DRC11: variants seen among roughly 807,000 people sequenced by gnomAD.
DRC11 encodes the protein dynein regulatory complex subunit 11.
At chr2:236,378,995 G>A in the DRC11 span, among the ~76,000 whole-genome samples, 1 of 152,184 alleles carries the variant, frequency 6.6e-6, no homozygotes, top group Non-Finnish European at 1.5e-5. Flanking sequence ...TCTCTAGAGA[G>A]CAGAAACCCA....
At chr2:236,403,004 G>C in the DRC11 span, among the ~76,000 whole-genome samples, 2 of 151,516 alleles carry the variant, frequency 1.3e-5, no homozygotes, top group Non-Finnish European at 2.9e-5. Flanking sequence ...TTACTTTTTC[G>C]TCAATGTTAT....
the DRC11 span, among the ~76,000 whole-genome samples, chr2:236,439,307 T>C: frequency 2.0e-5 from 3 of 152,294 alleles, no homozygotes; most frequent in African/African-American, 4.8e-5. Flanking sequence ...ATCAACAAAA[T>C]TGATAGACCT....
At chr2:236,408,052 G>A in the DRC11 span, 2 of 584,340 alleles carry the variant, frequency 3.4e-6, no homozygotes, top group East Asian at 8.1e-5. This position sits in a 1 kb window ranked among gnomAD's most constrained non-coding sequence, Gnocchi z 5.5. Context: ...TCACTTCTTG[G>A]TTCCCACCAC....
the DRC11 span, among the ~76,000 whole-genome samples, chr2:236,449,940 C>A: frequency 2.0e-5 from 3 of 152,208 alleles, no homozygotes; most frequent in African/African-American, 7.2e-5. The surrounding 1 kb of genome is among the most constrained non-coding windows in gnomAD (Gnocchi z 5.1). Flanking sequence ...GGAGGAGAAA[C>A]CCCTATGTGT....
chr2:236,405,836 T>G, the DRC11 span, among the ~76,000 whole-genome samples: 1 of 152,172 alleles, frequency 6.6e-6, no homozygotes, highest in South Asian at 2.1e-4. This position sits in a 1 kb window ranked among gnomAD's most constrained non-coding sequence, Gnocchi z 4.6. Flanking sequence ...GACAAAGGGA[T>G]GATTCACGTC....
the DRC11 span, among the ~76,000 whole-genome samples, chr2:236,457,502 G>T: frequency 1.3e-5 from 2 of 152,222 alleles, no homozygotes; most frequent in African/African-American, 4.8e-5. The surrounding 1 kb of genome is among the most constrained non-coding windows in gnomAD (Gnocchi z 4.7). Context: ...GTTGAGAGTT[G>T]TAGTAGACAC....
At chr2:236,507,108 C>T in the DRC11 span, 1 of 739,696 alleles carries the variant, frequency 1.4e-6, no homozygotes. Context: ...ATTTGAATTT[C>T]CTAAAAGGAA....
chr2:236,496,964 T>C, the DRC11 span, among the ~76,000 whole-genome samples: 2 of 152,138 alleles, frequency 1.3e-5, no homozygotes, highest in African/African-American at 2.4e-5. This position sits in a 1 kb window ranked among gnomAD's most constrained non-coding sequence, Gnocchi z 6.3. Flanking sequence ...AGTGTGCAGA[T>C]GCATCTGCAC....
the DRC11 span, among the ~76,000 whole-genome samples, chr2:236,500,462 TCCC>T: frequency 6.6e-6 from 1 of 151,910 alleles, no homozygotes; most frequent in African/African-American, 2.4e-5. This position sits in a 1 kb window ranked among gnomAD's most constrained non-coding sequence, Gnocchi z 6.3. Context: ...CCAACACTCT[TCCC>T]CCCAACACCC....
chr2:236,460,105 C>T, the DRC11 span, among the ~76,000 whole-genome samples: 37 of 152,214 alleles, frequency 2.4e-4, no homozygotes, highest in African/African-American at 8.4e-4. The surrounding 1 kb of genome is among the most constrained non-coding windows in gnomAD (Gnocchi z 4.0). Flanking sequence ...AGCAAGGAAA[C>T]GGATTTTATC....
chr2:236,486,891 G>A, the DRC11 span: 58 of 1,606,576 alleles, frequency 3.6e-5, no homozygotes, highest in Middle Eastern at 1.6e-4. This position sits in a 1 kb window ranked among gnomAD's most constrained non-coding sequence, Gnocchi z 5.7. Flanking sequence ...TGATGGAAAC[G>A]TCGCCAAACC....
At chr2:236,459,756 G>A in the DRC11 span, among the ~76,000 whole-genome samples, 5 of 150,124 alleles carry the variant, frequency 3.3e-5, no homozygotes, top group African/African-American at 1.2e-4. Context: ...AAAATTTCAT[G>A]GTAGCTATCT....
chr2:236,384,179 C>T, the DRC11 span, among the ~76,000 whole-genome samples: 2 of 151,696 alleles, frequency 1.3e-5, no homozygotes, highest in African/African-American at 2.4e-5. Context: ...GGTATATACC[C>T]AGTAATGGGA....
chr2:236,401,562 C>T, the DRC11 span, among the ~76,000 whole-genome samples: 17 of 152,296 alleles, frequency 1.1e-4, no homozygotes, highest in South Asian at 3.3e-3. The surrounding 1 kb of genome is among the most constrained non-coding windows in gnomAD (Gnocchi z 4.6). Flanking sequence ...TGTGGTATTT[C>T]CATACAATGA....
At chr2:236,466,611 G>A in the DRC11 span, among the ~76,000 whole-genome samples, 1 of 152,118 alleles carries the variant, frequency 6.6e-6, no homozygotes, top group Non-Finnish European at 1.5e-5. Context: ...AGTGTCTCAC[G>A]TGGTGAAAGG....
chr2:236,432,458 T>C, the DRC11 span, among the ~76,000 whole-genome samples: 3 of 152,188 alleles, frequency 2.0e-5, no homozygotes, highest in African/African-American at 4.8e-5. Context: ...TGTTTGTCAG[T>C]GTAGTTTTAA....
the DRC11 span, among the ~76,000 whole-genome samples, chr2:236,345,605 C>G: frequency 6.6e-6 from 1 of 152,158 alleles, no homozygotes; most frequent in Admixed American, 6.5e-5. Flanking sequence ...CTAGGCTCCC[C>G]CTGAAAGGTG....
At chr2:236,398,443 C>T in the DRC11 span, among the ~76,000 whole-genome samples, 1 of 152,176 alleles carries the variant, frequency 6.6e-6, no homozygotes, top group Admixed American at 6.5e-5. This position sits in a 1 kb window ranked among gnomAD's most constrained non-coding sequence, Gnocchi z 6.2. Context: ...TTTAAAAATA[C>T]ATCTATTAAG....
At chr2:236,335,876 C>T in the DRC11 span, among the ~76,000 whole-genome samples, 12 of 152,106 alleles carry the variant, frequency 7.9e-5, no homozygotes, top group Admixed American at 7.2e-4. This position sits in a 1 kb window ranked among gnomAD's most constrained non-coding sequence, Gnocchi z 5.6. Flanking sequence ...GGTGCCTGCC[C>T]GTCTTGCGCT....
Sources: gnomAD v4.1 joint callset for allele counts (sites outside exome capture counted in the v4.1 genomes callset) on GRCh38, gnomAD v4.1.1 for gene constraint, Gnocchi (gnomAD v3.1) non-coding constraint, MANE v1.5 for transcripts, NCBI Gene and HGNC (gene_info 2026-07-23, HGNC 2026-07-21) for gene names.